TMEM181: variants seen among roughly 807,000 people sequenced by gnomAD.
The protein encoded by TMEM181 is G protein-coupled receptor 178.
A neutral mutation model predicts 71.9 loss-of-function variants in TMEM181; 39 were observed. The observed-to-expected ratio is 0.54, with a 90% CI of 0.42 to 0.71. TMEM181 has a LOEUF of 0.71. Ranked by LOEUF, TMEM181 falls within the 30% of genes least tolerant of loss-of-function variation. TMEM181 has a pLI of 0.00. For synonymous variants in TMEM181, 245 were observed against 228.8 expected (o/e 1.07, Z -0.64); for missense variants, 595 against 583.0 (o/e 1.02, Z -0.21).
chr6:158,543,683 T>C (rs1165587101), intron 1 of TMEM181, among the ~76,000 whole-genome samples: 1 of 152,196 alleles, frequency 6.6e-6, no homozygotes, highest in Non-Finnish European at 1.5e-5. Flanking sequence ...ATCTCCCCTT[T>C]TTATAAGGAC....
intron 6 of TMEM181, among the ~76,000 whole-genome samples, chr6:158,590,558 G>C (rs1011732358): frequency 6.6e-6 from 1 of 152,142 alleles, no homozygotes; most frequent in African/African-American, 2.4e-5. Context: ...CCGCCTCCCG[G>C]GTTCAAGCAA....
At position 158,605,286 on chromosome 6, in the gene TMEM181, C is replaced by T. The variant is rs763542311; in HGVS notation, c.512C>T (p.Ala171Val). 1.2e-6 allele frequency: 2 copies of T among 1,613,776 alleles called. No individual in the cohort carries two copies. Among genetic ancestry groups the T allele is most frequent in the South Asian group, 1.1e-5 (1 of 91,082 alleles). ...MNFTWKTYNP[A>V]FSRLEIWFRF... ...TTTTAGTGGAAGACTTATAACCCTG[C>T]CTTCTCCCGGTTGGAAATCTGGTTC... Residue 171 changes from alanine to valine, a missense_variant, in exon 7 of 17, where the codon GCC (alanine) becomes GTC (valine). Transcript: ENST00000684151.
chr6:158,576,476 T>C (rs979975502), intron 2 of TMEM181, among the ~76,000 whole-genome samples: 3 of 152,072 alleles, frequency 2.0e-5, no homozygotes, highest in African/African-American at 4.8e-5. Flanking sequence ...GCTGGCACTT[T>C]TTTACCCCTT....
At chr6:158,571,074 A>G (rs1782781144) in intron 1 of TMEM181, among the ~76,000 whole-genome samples, 1 of 151,596 alleles carries the variant, frequency 6.6e-6, no homozygotes, top group Non-Finnish European at 1.5e-5. Flanking sequence ...CACCACACCC[A>G]GCTAATTTTT....
intron 1 of TMEM181, among the ~76,000 whole-genome samples, chr6:158,561,375 T>C (rs1167238769): frequency 2.6e-5 from 4 of 152,138 alleles, no homozygotes; most frequent in Admixed American, 6.5e-5. Context: ...CAAGTGGAGG[T>C]AGGTTAGCAG....
intron 13 of TMEM181, among the ~76,000 whole-genome samples, chr6:158,626,954 TCACTCA>T (rs770391705): frequency 0.11 from 14,881 of 130,904 alleles, 1,005 homozygotes; most frequent in Non-Finnish European, 0.15. Context: ...ACCCTCACCC[TCACTCA>T]CACCCTCTCA....
intron 1 of TMEM181, among the ~76,000 whole-genome samples, chr6:158,570,463 G>C (rs147774239): frequency 1.7e-4 from 25 of 151,302 alleles, no homozygotes; most frequent in East Asian, 1.4e-3. Context: ...GGATGGTCTC[G>C]ATCTCCTGAC....
chr6:158,629,944 CAG>C, intron 15 of TMEM181, 125 bp downstream of exon 15: 12 of 800,684 alleles, frequency 1.5e-5, no homozygotes, highest in East Asian at 2.5e-5. Flanking sequence ...CTTCTCTTGG[CAG>C]AGAGAGAGTG....
chr6:158,605,172 TG>T, intron 6 of TMEM181, 94 bp from the exon 7 acceptor site: 1 of 858,192 alleles, frequency 1.2e-6, no homozygotes. Context: ...GTGTATATAT[TG>T]TCTCATCTAG....
At position 158,608,717 on chromosome 6, in the gene TMEM181, G is replaced by T. The variant is rs924948112; in HGVS notation, c.863G>T (p.Trp288Leu). 6.2e-7 allele frequency: 1 copy of T among 1,613,490 alleles called. No homozygotes were observed. The highest frequency in any genetic ancestry group is 8.5e-7 in the Non-Finnish European group (1 of 1,179,880). ...LPKFFIVGLL[W>L]LASVTLGIWQ... is the part of the protein sequence containing the mutation. The stretch of plus-strand genomic sequence containing the variant: ...AAATTCTTCATTGTTGGACTATTGT[G>T]GTTGGCTTCTGTTACGCTAGGAATA... Residue 288 changes from tryptophan (W) to leucine (L), a missense_variant, in exon 10 of 17, where the codon TGG (tryptophan) becomes TTG (leucine). Trp to Leu is a moderately conservative substitution (Grantham distance 61). Transcript: ENST00000684151.
chr6:158,611,844 AAG>A (rs1474770339), intron 10 of TMEM181, among the ~76,000 whole-genome samples: 1 of 152,208 alleles, frequency 6.6e-6, no homozygotes. Flanking sequence ...CTTACAGGCT[AAG>A]AGTATTTAAG....
upstream of TMEM181, among the ~76,000 whole-genome samples, chr6:158,556,222 C>T (rs1245926527): frequency 6.6e-6 from 1 of 152,134 alleles, no homozygotes; most frequent in Non-Finnish European, 1.5e-5. Context: ...AAAGAGGGAG[C>T]GTGGGCCTGA....
At chr6:158,579,441 G>T (rs984715410) in intron 2 of TMEM181, among the ~76,000 whole-genome samples, 3 of 151,846 alleles carry the variant, frequency 2.0e-5, no homozygotes, top group Admixed American at 6.6e-5. Context: ...AGGAAGTTCG[G>T]CCGGGCGCAG....
At chr6:158,554,778 A>C (rs1781826139) in intron 1 of TMEM181, among the ~76,000 whole-genome samples, 1 of 152,260 alleles carries the variant, frequency 6.6e-6, no homozygotes, top group Non-Finnish European at 1.5e-5. Context: ...GAAATATCTT[A>C]CAGCTTTCAT....
chr6:158,557,505 A>ATTT (rs1554301646), upstream of TMEM181, among the ~76,000 whole-genome samples: 2 of 146,834 alleles, frequency 1.4e-5, no homozygotes, highest in Non-Finnish European at 3.0e-5. Flanking sequence ...CACAGCTGTA[A>ATTT]TTATTTATTT....
Position 158,590,402 on chromosome 6 carries a change from A to G in TMEM181, c.492+620A>G, listed in dbSNP as rs149291661. Reference sequence around the variant, plus strand: ...AAAAAAAAAACAGCTTTATCAAAGTAGAAAGTTTGCTTGCCCTTTTAATGA... The same window carrying G: ...AAAAAAAAAACAGCTTTATCAAAGTGGAAAGTTTGCTTGCCCTTTTAATGA... On this transcript the variant is annotated intron_variant, in intron 6 of 16. Coordinates refer to ENST00000684151, the MANE Select transcript of TMEM181 (RefSeq NM_001376852.1). 2.1e-3 allele frequency among the ~76,000 whole-genome samples: 326 copies of G among 151,868 alleles called. 2 individuals carry two copies. Among genetic ancestry groups the G allele is most frequent in the African/African-American group, 7.3e-3 (302 of 41,428 alleles).
intron 1 of TMEM181, among the ~76,000 whole-genome samples, chr6:158,553,830 T>G (rs1418822949): frequency 6.6e-6 from 1 of 152,206 alleles, no homozygotes; most frequent in Non-Finnish European, 1.5e-5. Context: ...CATTAGTAGG[T>G]TCTTGGAAAC....
chr6:158,567,667 T>C (rs1011559154), intron 1 of TMEM181, among the ~76,000 whole-genome samples: 1 of 152,146 alleles, frequency 6.6e-6, no homozygotes, highest in Non-Finnish European at 1.5e-5. Flanking sequence ...TTGACCCTAT[T>C]GGGCAGCATC....
upstream of TMEM181, among the ~76,000 whole-genome samples, chr6:158,556,967 T>TCA (rs1781911974): frequency 6.6e-6 from 1 of 152,176 alleles, no homozygotes; most frequent in South Asian, 2.1e-4. Flanking sequence ...CTCAAACTCC[T>TCA]GAGCTCAAGT....
Sources: allele counts gnomAD v4.1 joint callset (sites outside exome capture counted in the v4.1 genomes callset), GRCh38; gene constraint gnomAD v4.1.1; transcripts MANE v1.5; gene names NCBI Gene and HGNC (gene_info 2026-07-23, HGNC 2026-07-21).